Variants in MALRD1 observed in about 807,000 individuals in gnomAD.
MALRD1 encodes the protein MAM and LDL-receptor class A domain-containing protein 1.
A neutral mutation model predicts 242.1 loss-of-function variants in MALRD1; 247 were observed. That is an observed-to-expected ratio of 1.02 (90% CI 0.92 to 1.13). MALRD1 has a LOEUF of 1.13. Ranked by LOEUF, MALRD1 falls within the 50% of genes most tolerant of loss-of-function variation. The pLI, the probability that MALRD1 is intolerant of heterozygous loss-of-function variation, is 0.00. For synonymous variants in MALRD1, 995 were observed against 866.6 expected (o/e 1.15, Z -2.60); for missense variants, 2,989 against 2,533.1 (o/e 1.18, Z -3.86).
intron 28 of MALRD1, among the ~76,000 whole-genome samples, chr10:19,391,972 C>T (rs1241945929): frequency 6.6e-6 from 1 of 152,204 alleles, no homozygotes. Flanking sequence ...TTGTGCATTA[C>T]ATGCATGACG....
intron 34 of MALRD1, among the ~76,000 whole-genome samples, chr10:19,602,904 G>T (rs557669026): frequency 6.6e-6 from 1 of 152,166 alleles, no homozygotes; most frequent in Admixed American, 6.5e-5. Flanking sequence ...GGTGTGAGAT[G>T]GTATCTCATT....
intron 14 of MALRD1, among the ~76,000 whole-genome samples, chr10:19,176,427 T>G (rs1397879496): frequency 7.5e-6 from 1 of 134,172 alleles, no homozygotes; most frequent in Non-Finnish European, 1.6e-5. Context: ...GACTGCGGAC[T>G]GCAGTGGCGC....
intron 14 of MALRD1, among the ~76,000 whole-genome samples, chr10:19,193,336 G>A (rs560961002): frequency 1.2e-4 from 18 of 152,140 alleles, no homozygotes; most frequent in Non-Finnish European, 2.4e-4. Flanking sequence ...CAGGAGGATC[G>A]CTTAAGCCCA....
At chr10:19,603,089 A>G (rs939217243) in intron 34 of MALRD1, among the ~76,000 whole-genome samples, 69 of 152,196 alleles carry the variant, frequency 4.5e-4, no homozygotes, top group African/African-American at 1.6e-3. Flanking sequence ...GATTCTGGAT[A>G]TTAGCCCTTT....
At chr10:19,424,241 C>G (rs1396974881) in intron 28 of MALRD1, among the ~76,000 whole-genome samples, 1 of 152,124 alleles carries the variant, frequency 6.6e-6, no homozygotes, top group Non-Finnish European at 1.5e-5. Context: ...CTTACTGCAA[C>G]CTGCACCTTC....
At chr10:19,505,180 G>C (rs1838151150) in intron 31 of MALRD1, among the ~76,000 whole-genome samples, 1 of 152,108 alleles carries the variant, frequency 6.6e-6, no homozygotes, top group East Asian at 1.9e-4. Context: ...AGGAAAAATA[G>C]TTCACTATAG....
At chr10:19,095,123 G>A (rs1374671158) in intron 4 of MALRD1, among the ~76,000 whole-genome samples, 1 of 152,038 alleles carries the variant, frequency 6.6e-6, no homozygotes, top group African/African-American at 2.4e-5. Flanking sequence ...GGTAGATTTA[G>A]CACTTGCTTA....
chr10:19,586,257 T>G (rs1164020433), intron 33 of MALRD1, among the ~76,000 whole-genome samples: 1 of 152,232 alleles, frequency 6.6e-6, no homozygotes, highest in Non-Finnish European at 1.5e-5. Context: ...AGCTTTGTTC[T>G]GTTGCTGGTG....
intron 2 of MALRD1, among the ~76,000 whole-genome samples, chr10:19,078,651 G>C (rs1478072111): frequency 1.3e-5 from 2 of 151,718 alleles, no homozygotes; most frequent in East Asian, 3.9e-4. Context: ...TTTTGTGCTG[G>C]AGCATTTGTT....
At chr10:19,240,251 A>G (rs186285408) in intron 18 of MALRD1, among the ~76,000 whole-genome samples, 50 of 152,134 alleles carry the variant, frequency 3.3e-4, no homozygotes, top group Admixed American at 2.6e-3. Context: ...GCTATTGTAA[A>G]TGGAATTCCT....
intron 36 of MALRD1, among the ~76,000 whole-genome samples, chr10:19,688,231 A>C (rs1306553076): frequency 6.6e-6 from 1 of 152,160 alleles, no homozygotes; most frequent in Non-Finnish European, 1.5e-5. Flanking sequence ...TTGGCCTCCC[A>C]AAGTGCTGGG....
intron 33 of MALRD1, among the ~76,000 whole-genome samples, chr10:19,592,715 G>C (rs1442444196): frequency 2.2e-5 from 3 of 135,448 alleles, no homozygotes; most frequent in Non-Finnish European, 3.1e-5. Flanking sequence ...TCCACTATAA[G>C]GAAAAATATA....
intron 24 of MALRD1, among the ~76,000 whole-genome samples, chr10:19,339,022 A>G (rs1347741890): frequency 6.6e-6 from 1 of 150,876 alleles, no homozygotes; most frequent in African/African-American, 2.5e-5. Context: ...TACTATTAGC[A>G]CGTCAGGGTG....
chr10:19,353,105 C>T (rs2131001895), intron 26 of MALRD1, among the ~76,000 whole-genome samples: 1 of 152,048 alleles, frequency 6.6e-6, no homozygotes, highest in South Asian at 2.1e-4. Context: ...CTCCTGGGCT[C>T]AATTGATCCT....
intron 14 of MALRD1, among the ~76,000 whole-genome samples, chr10:19,176,224 G>A (rs1254439568): frequency 6.6e-6 from 1 of 151,996 alleles, no homozygotes; most frequent in African/African-American, 2.4e-5. Context: ...GAGTGCAACA[G>A]TTGTATTCTT....
intron 18 of MALRD1, among the ~76,000 whole-genome samples, chr10:19,240,204 A>C (rs1018251068): frequency 1.3e-5 from 2 of 152,008 alleles, no homozygotes; most frequent in South Asian, 4.2e-4. Flanking sequence ...GAGATCTTTC[A>C]CGGCCTTGAT....
intron 1 of MALRD1, among the ~76,000 whole-genome samples, chr10:19,065,493 C>A (rs1283995296): frequency 6.6e-6 from 1 of 151,918 alleles, no homozygotes; most frequent in Admixed American, 6.6e-5. Flanking sequence ...CTGGTTTCTG[C>A]CGGCTTCTTC....
At chr10:19,079,074 A>T (rs1835404088) in intron 2 of MALRD1, among the ~76,000 whole-genome samples, 1 of 150,756 alleles carries the variant, frequency 6.6e-6, no homozygotes, top group Non-Finnish European at 1.5e-5. Context: ...TTAGCTTCTT[A>T]TTATTAATGT....
intron 36 of MALRD1, among the ~76,000 whole-genome samples, chr10:19,649,667 C>G (rs761496850): frequency 4.6e-5 from 7 of 152,068 alleles, no homozygotes; most frequent in Non-Finnish European, 8.8e-5. Context: ...TATTTTCTCC[C>G]ATTTTGTGGG....
Sources: allele counts gnomAD v4.1 joint callset (sites outside exome capture counted in the v4.1 genomes callset), GRCh38; gene constraint gnomAD v4.1.1; transcripts MANE v1.5; gene names NCBI Gene and HGNC (gene_info 2026-07-23, HGNC 2026-07-21).